Variants in PHTF1 observed in about 807,000 individuals in gnomAD.
PHTF1 encodes putative homeodomain transcription factor 1.
In PHTF1, 88 loss-of-function variants were observed where a neutral mutation model predicts 102.4. That is an observed-to-expected ratio of 0.86 (90% CI 0.72 to 1.03). The LOEUF (loss-of-function observed/expected upper bound fraction) is 1.03, where lower values mean the gene tolerates loss of function less well. Among genes scored for constraint, PHTF1 ranks in the 50% least tolerant of loss-of-function variants. The pLI, the probability that PHTF1 is intolerant of heterozygous loss-of-function variation, is 0.00. For missense variants in PHTF1, 814 were observed against 909.5 expected (o/e 0.89, Z 1.35); for synonymous variants, 289 against 305.2 (o/e 0.95, Z 0.55).
intron 15 of PHTF1, 69 bp from the exon 16 acceptor site, chr1:113,701,018 C>G: frequency 8.5e-7 from 1 of 1,177,742 alleles, no homozygotes; most frequent in East Asian, 2.3e-5. Context: ...CTCTTTTACT[C>G]TGTCAATTTA....
At chr1:113,729,182 T>G (rs890061005) in intron 5 of PHTF1, among the ~76,000 whole-genome samples, 11 of 152,154 alleles carry the variant, frequency 7.2e-5, no homozygotes, top group Non-Finnish European at 1.3e-4. Context: ...AAAGACAAAC[T>G]TCACATGTTC....
intron 4 of PHTF1, among the ~76,000 whole-genome samples, 167 bp downstream of exon 4, chr1:113,738,563 G>A (rs914600787): frequency 6.6e-5 from 10 of 152,120 alleles, no homozygotes; most frequent in African/African-American, 2.2e-4. Flanking sequence ...GTAATTTATA[G>A]AGTCACACAG....
chr1:113,713,241 G>A (rs1378616716), intron 8 of PHTF1, 38 bp downstream of exon 8: 1 of 1,571,460 alleles, frequency 6.4e-7, no homozygotes, highest in Non-Finnish European at 8.7e-7. Flanking sequence ...ATGTTACATG[G>A]GGAAAAAAAC....
In PHTF1 at chr1:113,738,185, A is replaced by G. The variant is rs562457733; in HGVS notation, c.256T>C (p.Leu86=). ...ACCTGAATCCACCAATTGCTGAACA[A>G]TGGAAAAAATACAACTCGAACAAGC... ...KGLVRVVFFP[L]FSNWWIQVTS... Residue 86 remains leucine (L), a synonymous_variant, in exon 5 of 19, where the codon TTG becomes CTG. Transcript: ENST00000369604. 6.2e-7 allele frequency: 1 copy of G among 1,613,436 alleles called. No homozygotes were observed. The highest frequency in any genetic ancestry group is 1.1e-5 in the South Asian group (1 of 91,084).
chr1:113,728,110 C>T (rs1557941946), intron 5 of PHTF1, among the ~76,000 whole-genome samples: 1 of 152,036 alleles, frequency 6.6e-6, no homozygotes, highest in African/African-American at 2.4e-5. Context: ...GGCGGAGGGC[C>T]GGGCCGAGGG....
Position 113,713,209 on chromosome 1 carries a change from C to T in PHTF1, c.783+70G>A. 2.9e-6 allele frequency: 4 copies of T among 1,385,916 alleles called. No homozygotes were observed. The African/African-American group carries it at 4.3e-5, about 15-fold the overall frequency. 85.9% of individuals were successfully genotyped at this position (1,385,916 alleles called of 1,614,324 possible). The stretch of plus-strand genomic sequence containing the variant: ...ACCTACTAGTACCTATTTTATATCT[C>T]TAACAGAATCTTAATAGGAAAATGT... On this transcript the variant is annotated intron_variant, in intron 8 of 18. Coordinates refer to ENST00000369604, the MANE Select transcript of PHTF1 (RefSeq NM_001323043.2).
chr1:113,736,882 A>G (rs1655580057), intron 5 of PHTF1, among the ~76,000 whole-genome samples: 1 of 152,254 alleles, frequency 6.6e-6, no homozygotes, highest in Non-Finnish European at 1.5e-5. Context: ...AGGGCATTAT[A>G]GGCCATGGTA....
chr1:113,707,725 T>A (rs1373377440), intron 11 of PHTF1, among the ~76,000 whole-genome samples: 2 of 152,160 alleles, frequency 1.3e-5, no homozygotes, highest in African/African-American at 4.8e-5. Flanking sequence ...TGCATGTGGA[T>A]AAAATGGAGA....
chr1:113,701,825 G>GGA (rs1649466116), intron 15 of PHTF1, among the ~76,000 whole-genome samples: 1 of 37,034 alleles, frequency 2.7e-5, no homozygotes, highest in South Asian at 1.1e-3. Flanking sequence ...TCAATTCCTG[G>GGA]TAAAAAAAAA....
chr1:113,719,984 C>T (rs1652656460), intron 7 of PHTF1, among the ~76,000 whole-genome samples: 1 of 152,154 alleles, frequency 6.6e-6, no homozygotes, highest in South Asian at 2.1e-4. Context: ...TCCTGATAAA[C>T]CCATCAGATC....
chr1:113,709,240 AG>A (rs1416652704), intron 11 of PHTF1, among the ~76,000 whole-genome samples: 2 of 152,252 alleles, frequency 1.3e-5, no homozygotes, highest in African/African-American at 4.8e-5. Context: ...GTCCCAAAAA[AG>A]AAAACTTTAA....
At chr1:113,734,777 G>C (rs529440599) in intron 5 of PHTF1, among the ~76,000 whole-genome samples, 1 of 152,152 alleles carries the variant, frequency 6.6e-6, no homozygotes. Context: ...ATAGTTTGGG[G>C]ATGAGTGCCC....
chr1:113,750,273 G>A (rs1657857875), intron 3 of PHTF1, among the ~76,000 whole-genome samples: 3 of 152,044 alleles, frequency 2.0e-5, no homozygotes, highest in Admixed American at 1.3e-4. Context: ...GAGCGACCAC[G>A]CATGGCCTCA....
At chr1:113,701,126 T>C (rs1649394735) in intron 15 of PHTF1, among the ~76,000 whole-genome samples, 177 bp from the exon 16 acceptor site, 1 of 152,262 alleles carries the variant, frequency 6.6e-6, no homozygotes, top group African/African-American at 2.4e-5. Flanking sequence ...TATATTTCTC[T>C]AAGTTTTCTA....
chr1:113,704,529 GCTGTC>G lies in PHTF1; in HGVS notation c.1803+132_1803+136del, dbSNP rs1330567243. 33 of 605,282 alleles carry G rather than the reference GCTGTC, an allele frequency of 5.5e-5. No individual in the cohort carries two copies. In the African/African-American group the frequency reaches 6.0e-4, roughly 11 times the overall value. The allele number at this position is 605,282 out of a possible 1,614,324, so 37.5% of individuals were successfully genotyped here. A position where few individuals can be genotyped will look rare whatever the true frequency, so the allele number is the denominator to read the frequency against. On this transcript the variant is annotated intron_variant, in intron 14 of 18. Coordinates refer to ENST00000369604, the MANE Select transcript of PHTF1 (RefSeq NM_001323043.2). ...TTTGCAGAGAGATGACATCCAACTT[GCTGTC>G]CAGCAAGTCTGTCAGCTGCTGCTAT... is the stretch of plus-strand genomic sequence containing the variant.
chr1:113,698,616 TATATAC>T (rs1418119542), intron 17 of PHTF1, among the ~76,000 whole-genome samples: 1,222 of 114,044 alleles, frequency 0.011, 12 homozygotes, highest in South Asian at 0.071. Flanking sequence ...TTTATATATA[TATATAC>T]ACACACACAC....
intron 3 of PHTF1, among the ~76,000 whole-genome samples, chr1:113,741,085 CT>C (rs1656278207): frequency 6.6e-6 from 1 of 152,142 alleles, no homozygotes; most frequent in Non-Finnish European, 1.5e-5. Context: ...TTAATTATGT[CT>C]TAAAAATTAG....
In PHTF1 at chr1:113,697,368, A is replaced by G. The variant is rs1648913201; in HGVS notation, c.*337T>C. 4.8e-6 allele frequency: 1 copy of G among 209,454 alleles called. No individual in the cohort carries two copies. Among genetic ancestry groups the G allele is most frequent in the African/African-American group, 2.3e-5 (1 of 42,900 alleles). The allele number at this position is 209,454 out of a possible 1,614,324, so 13.0% of individuals were successfully genotyped here. A position where few individuals can be genotyped will look rare whatever the true frequency, so the allele number is the denominator to read the frequency against. ...TTGCTTCATGCTTTGGGCATCTATCATAGTTGCCCAAAAGACTATGTCCAG... is the reference window on the plus strand; with the variant it reads ...TTGCTTCATGCTTTGGGCATCTATCGTAGTTGCCCAAAAGACTATGTCCAG... On this transcript the variant is annotated 3_prime_UTR_variant, in exon 19 of 19. Coordinates refer to ENST00000369604, the MANE Select transcript of PHTF1 (RefSeq NM_001323043.2).
In PHTF1 at chr1:113,704,649, A is replaced by C; in HGVS notation, c.1803+17T>G. The C allele has an allele frequency of 6.4e-7, 1 of 1,555,194 alleles. No individual in the cohort carries two copies. The highest frequency in any genetic ancestry group is 8.8e-7 in the Non-Finnish European group (1 of 1,142,156). ...ATATTCTTGCACATACTCTATTGTTAATCAAATAAAACTCACCTTTAGATA... is the reference window on the plus strand; with the variant it reads ...ATATTCTTGCACATACTCTATTGTTCATCAAATAAAACTCACCTTTAGATA... On this transcript the variant is annotated intron_variant, in intron 14 of 18. Transcript: ENST00000369604.
Sources: gnomAD v4.1 joint callset for allele counts (sites outside exome capture counted in the v4.1 genomes callset) on GRCh38, gnomAD v4.1.1 for gene constraint, MANE v1.5 for transcripts, NCBI Gene and HGNC (gene_info 2026-07-23, HGNC 2026-07-21) for gene names.